The following TENM2 variants were observed in gnomAD, a reference collection of about 807,000 sequenced individuals.
The protein encoded by TENM2 is teneurin transmembrane protein 2, also known as teneurin-2.
A neutral mutation model predicts 245.2 loss-of-function variants in TENM2; 52 were observed. That is an observed-to-expected ratio of 0.21 (90% CI 0.17 to 0.27). The LOEUF is 0.27. TENM2 is among the 10% of genes least tolerant of loss of function. The pLI is 1.00. For synonymous variants in TENM2, 1,363 were observed against 1,438.9 expected, an observed-to-expected ratio of 0.95 and a Z score of 1.19; for missense variants, 3,046 against 3,666.8, an observed-to-expected ratio of 0.83 and a Z score of 4.37.
chr5:168,172,362 T>TTGAGCC (rs955396523), intron 13 of TENM2, among the ~76,000 whole-genome samples: 3 of 152,178 alleles, frequency 2.0e-5, no homozygotes, highest in South Asian at 2.1e-4. Context: ...CCCTAAGGCA[T>TTGAGCC]TGAGCCCTTA....
intron 2 of TENM2, among the ~76,000 whole-genome samples, chr5:167,568,226 A>C (rs1774032526): frequency 6.6e-6 from 1 of 152,152 alleles, no homozygotes; most frequent in Non-Finnish European, 1.5e-5. Context: ...TAGAAAAAAT[A>C]TTTTTGGTTG....
intron 1 of TENM2, among the ~76,000 whole-genome samples, chr5:167,289,243 CAAAG>C (rs755032186): frequency 1.3e-5 from 2 of 152,214 alleles, no homozygotes; most frequent in East Asian, 1.9e-4. Context: ...GGAACACTAA[CAAAG>C]AAAGGTGTCA....
At chr5:168,179,153 AAAAG>A (rs1381479649) in intron 13 of TENM2, among the ~76,000 whole-genome samples, 3 of 151,132 alleles carry the variant, frequency 2.0e-5, no homozygotes, top group South Asian at 2.1e-4. Flanking sequence ...AAAAAAAAAA[AAAAG>A]AAGCTTTGAG....
chr5:167,985,286 T>A (rs1783158547), intron 4 of TENM2, among the ~76,000 whole-genome samples: 1 of 152,160 alleles, frequency 6.6e-6, no homozygotes, highest in South Asian at 2.1e-4. Context: ...AGTCTGAATA[T>A]TTTAGGGATT....
chr5:168,054,585 G>T (rs1166269964), intron 6 of TENM2, among the ~76,000 whole-genome samples: 1 of 152,176 alleles, frequency 6.6e-6, no homozygotes, highest in Admixed American at 6.5e-5. Flanking sequence ...TCATTTCCCT[G>T]GTATGACTAT....
intron 2 of TENM2, among the ~76,000 whole-genome samples, chr5:167,610,658 C>T (rs1286835249): frequency 6.6e-6 from 1 of 152,128 alleles, no homozygotes; most frequent in African/African-American, 2.4e-5. Context: ...GAGTGATAAG[C>T]TTGAGATGGG....
chr5:168,149,827 C>T (rs1756482703), intron 12 of TENM2, among the ~76,000 whole-genome samples: 1 of 152,228 alleles, frequency 6.6e-6, no homozygotes, highest in African/African-American at 2.4e-5. Flanking sequence ...CTGCTACAGC[C>T]ACACGGGCCT....
intron 2 of TENM2, among the ~76,000 whole-genome samples, chr5:167,784,677 C>A (rs930626110): frequency 2.0e-5 from 3 of 152,090 alleles, no homozygotes; most frequent in African/African-American, 7.2e-5. Context: ...TCCTGTCAGC[C>A]AGCCAGTGAC....
At chr5:168,108,125 A>G (rs1794399920) in intron 9 of TENM2, among the ~76,000 whole-genome samples, 1 of 152,240 alleles carries the variant, frequency 6.6e-6, no homozygotes, top group South Asian at 2.1e-4. Flanking sequence ...GCTAAAGAAC[A>G]AGGTTCTAAT....
chr5:168,176,805 G>T (rs1431533163), intron 13 of TENM2, among the ~76,000 whole-genome samples: 1 of 152,206 alleles, frequency 6.6e-6, no homozygotes, highest in Non-Finnish European at 1.5e-5. Context: ...AGATGATTGG[G>T]AGATAAATAC....
At chr5:168,116,534 G>A (rs1795094416) in intron 9 of TENM2, among the ~76,000 whole-genome samples, 1 of 152,106 alleles carries the variant, frequency 6.6e-6, no homozygotes, top group African/African-American at 2.4e-5. Flanking sequence ...TGGCCATTTA[G>A]TGCTTGCCCG....
intron 13 of TENM2, among the ~76,000 whole-genome samples, chr5:168,172,004 C>A (rs889616781): frequency 6.6e-6 from 1 of 152,236 alleles, no homozygotes; most frequent in African/African-American, 2.4e-5. Flanking sequence ...AGCTCTCTTG[C>A]TCCCACAGTC....
intron 2 of TENM2, among the ~76,000 whole-genome samples, chr5:167,685,038 A>G (rs1458553060): frequency 1.3e-5 from 2 of 152,190 alleles, no homozygotes; most frequent in Non-Finnish European, 2.9e-5. Flanking sequence ...GTCACATTTT[A>G]GAAACAGACT....
rs2609855 is a variant in TENM2, at chr5:167,661,431, C to T, written c.503-214555C>T. Among the ~76,000 whole-genome samples, 765 of 152,222 alleles carry T rather than the reference C, an allele frequency of 5.0e-3. 9 individuals carry two copies. Among genetic ancestry groups the T allele is most frequent in the African/African-American group, 0.016 (672 of 41,542 alleles). On this transcript the variant is annotated intron_variant, in intron 2 of 28. Coordinates refer to ENST00000518659, the Ensembl canonical transcript of TENM2. ...TAGTAAGCATTGAAAAAGTTCACAG[C>T]AATTTCAAGCCATAGATTTGAATAT...
chr5:168,158,552 C>T (rs1418646652), intron 12 of TENM2, among the ~76,000 whole-genome samples: 6 of 151,868 alleles, frequency 4.0e-5, no homozygotes, highest in East Asian at 2.0e-4. Flanking sequence ...TGGGCTGTAT[C>T]GTTCTTCATT....
intron 1 of TENM2, among the ~76,000 whole-genome samples, chr5:167,351,808 G>A (rs1201152442): frequency 6.6e-6 from 1 of 151,822 alleles, no homozygotes; most frequent in Non-Finnish European, 1.5e-5. Flanking sequence ...ACCTGCTGGA[G>A]GCTATCGCAG....
chr5:167,508,424 A>G (rs1443529079), intron 2 of TENM2, among the ~76,000 whole-genome samples: 1 of 152,220 alleles, frequency 6.6e-6, no homozygotes, highest in Non-Finnish European at 1.5e-5. Flanking sequence ...TTAACTTTAT[A>G]GTTTAGTTAT....
chr5:168,071,781 A>G (rs1791031351), intron 7 of TENM2, among the ~76,000 whole-genome samples: 1 of 152,240 alleles, frequency 6.6e-6, no homozygotes, highest in Admixed American at 6.5e-5. Flanking sequence ...AAGGTGTTAT[A>G]ATAACAATAA....
At chr5:167,994,363 G>A (rs750491425) in intron 5 of TENM2, among the ~76,000 whole-genome samples, 10 of 152,116 alleles carry the variant, frequency 6.6e-5, no homozygotes, top group East Asian at 1.9e-4. Context: ...CTCCCTTCTC[G>A]CTCAGCACTG....
Sources: gnomAD v4.1 joint callset for allele counts (sites outside exome capture counted in the v4.1 genomes callset) on GRCh38, gnomAD v4.1.1 for gene constraint, MANE v1.5 for transcripts, NCBI Gene and HGNC (gene_info 2026-07-23, HGNC 2026-07-21) for gene names.